The following BNC2 variants were observed in gnomAD, a reference collection of about 807,000 sequenced individuals.
BNC2 encodes the protein zinc finger protein basonuclin-2.
In BNC2, 20 loss-of-function variants were observed where a neutral mutation model predicts 76.3. The observed-to-expected ratio is 0.26, with a 90% CI of 0.18 to 0.38. The LOEUF (loss-of-function observed/expected upper bound fraction) is 0.38, where lower values mean the gene tolerates loss of function less well. BNC2 is among the 10% of genes least tolerant of loss of function. The pLI is 1.00. For synonymous variants in BNC2, 582 were observed against 514.8 expected, an observed-to-expected ratio of 1.13 and a Z score of -1.77; for missense variants, 1,382 against 1,399.8, an observed-to-expected ratio of 0.99 and a Z score of 0.20.
intron 5 of BNC2, among the ~76,000 whole-genome samples, chr9:16,537,900 G>T (rs1818178070): frequency 6.6e-6 from 1 of 152,140 alleles, no homozygotes; most frequent in South Asian, 2.1e-4. Flanking sequence ...TCCTTTTTAA[G>T]AAGTGTTCTC....
At chr9:16,617,608 A>G (rs1349275073) in intron 3 of BNC2, among the ~76,000 whole-genome samples, 1 of 152,014 alleles carries the variant, frequency 6.6e-6, no homozygotes, top group East Asian at 1.9e-4. Context: ...TGGCAGGCAC[A>G]AAGTTTAGTA....
intron 1 of BNC2, among the ~76,000 whole-genome samples, chr9:16,828,133 G>C (rs960091870): frequency 2.6e-5 from 4 of 152,076 alleles, no homozygotes; most frequent in African/African-American, 9.7e-5. Context: ...AAAATTGACA[G>C]ACATAACCAG....
chr9:16,453,130 A>G (rs547151720), intron 5 of BNC2, among the ~76,000 whole-genome samples: 4 of 152,316 alleles, frequency 2.6e-5, no homozygotes, highest in African/African-American at 9.6e-5. Flanking sequence ...TAGTACCTAC[A>G]CTTTGCTGAG....
At chr9:16,622,699 A>C (rs1158602420) in intron 3 of BNC2, among the ~76,000 whole-genome samples, 1 of 152,126 alleles carries the variant, frequency 6.6e-6, no homozygotes, top group Admixed American at 6.6e-5. Context: ...TTCACAAAAC[A>C]CCTCTTCACA....
intron 3 of BNC2, among the ~76,000 whole-genome samples, chr9:16,718,712 G>C (rs534811788): frequency 1.8e-4 from 27 of 152,172 alleles, no homozygotes; most frequent in Non-Finnish European, 3.2e-4. Context: ...TATATAGATA[G>C]CATAGTATAA....
chr9:16,721,901 CT>C (rs1453813297), intron 3 of BNC2, among the ~76,000 whole-genome samples: 5 of 150,162 alleles, frequency 3.3e-5, no homozygotes, highest in Non-Finnish European at 5.9e-5. Flanking sequence ...ATTTCTTTTC[CT>C]CTTTCCTTTT....
intron 3 of BNC2, among the ~76,000 whole-genome samples, chr9:16,624,981 C>G (rs1820954086): frequency 6.6e-6 from 1 of 152,204 alleles, no homozygotes. Flanking sequence ...CATGTAATAG[C>G]AGGCAGCTGG....
At chr9:16,708,776 G>C (rs757328597) in intron 3 of BNC2, among the ~76,000 whole-genome samples, 3 of 152,172 alleles carry the variant, frequency 2.0e-5, no homozygotes, top group Non-Finnish European at 4.4e-5. Context: ...TGCTGGCAGA[G>C]AGGAGGAGCT....
At chr9:16,537,421 A>G (rs1229190675) in intron 5 of BNC2, among the ~76,000 whole-genome samples, 1 of 152,126 alleles carries the variant, frequency 6.6e-6, no homozygotes, top group Non-Finnish European at 1.5e-5. Context: ...GTGGACAACA[A>G]AAAAAGAACC....
intron 1 of BNC2, among the ~76,000 whole-genome samples, chr9:16,764,981 G>A (rs1049000235): frequency 7.2e-5 from 11 of 152,086 alleles, no homozygotes; most frequent in Admixed American, 3.3e-4. Flanking sequence ...GTAAGGATAC[G>A]AAACCCGCTG....
At chr9:16,818,896 A>G (rs1818248943) in intron 1 of BNC2, among the ~76,000 whole-genome samples, 1 of 152,158 alleles carries the variant, frequency 6.6e-6, no homozygotes, top group Non-Finnish European at 1.5e-5. Flanking sequence ...TACTTTAGCT[A>G]GAGAATACTG....
chr9:16,522,626 C>T (rs558713003), intron 5 of BNC2, among the ~76,000 whole-genome samples: 2 of 152,084 alleles, frequency 1.3e-5, no homozygotes, highest in African/African-American at 2.4e-5. Flanking sequence ...AAGGTCATTT[C>T]GTGTTTTTTA....
intron 3 of BNC2, among the ~76,000 whole-genome samples, chr9:16,694,832 A>C (rs1195951527): frequency 1.3e-5 from 2 of 152,118 alleles, no homozygotes; most frequent in Non-Finnish European, 1.5e-5. Flanking sequence ...AAAGAGAAAA[A>C]TGTGCAAACG....
intron 3 of BNC2, among the ~76,000 whole-genome samples, chr9:16,632,905 AG>A (rs2133760643): frequency 6.6e-6 from 1 of 152,328 alleles, no homozygotes; most frequent in South Asian, 2.1e-4. Flanking sequence ...CGAGTTTTAT[AG>A]GAGGGTAGGT....
intron 1 of BNC2, among the ~76,000 whole-genome samples, chr9:16,782,668 G>A (rs553978319): frequency 1.2e-4 from 18 of 152,212 alleles, no homozygotes; most frequent in Non-Finnish European, 1.8e-4. Context: ...CATATGTGCC[G>A]ATGGAACTCT....
intron 1 of BNC2, among the ~76,000 whole-genome samples, chr9:16,795,920 T>C (rs1817634602): frequency 6.6e-6 from 1 of 152,222 alleles, no homozygotes; most frequent in Non-Finnish European, 1.5e-5. Flanking sequence ...TAACATTTAC[T>C]AAGCACCTCC....
At chr9:16,726,998 G>A (rs1278663016) in intron 3 of BNC2, 1 of 152,288 alleles carries the variant, frequency 6.6e-6, no homozygotes. Context: ...AGTAACCGAT[G>A]GCCTCGCGCT....
At chr9:16,632,732 A>G (rs1406278988) in intron 3 of BNC2, among the ~76,000 whole-genome samples, 1 of 152,164 alleles carries the variant, frequency 6.6e-6, no homozygotes, top group African/African-American at 2.4e-5. Context: ...ACCCATCCCA[A>G]GGTCTAATTT....
intron 3 of BNC2, among the ~76,000 whole-genome samples, chr9:16,608,950 C>T (rs1820460428): frequency 6.6e-6 from 1 of 152,142 alleles, no homozygotes; most frequent in African/African-American, 2.4e-5. Flanking sequence ...ACTTAAGGTT[C>T]CTAAACATCA....
Sources: gnomAD v4.1 joint callset for allele counts (sites outside exome capture counted in the v4.1 genomes callset) on GRCh38, gnomAD v4.1.1 for gene constraint, MANE v1.5 for transcripts, NCBI Gene and HGNC (gene_info 2026-07-23, HGNC 2026-07-21) for gene names.